PCDHGA6: variants seen among roughly 807,000 people sequenced by gnomAD.
PCDHGA6 encodes the protein protocadherin gamma-A6.
A neutral mutation model predicts 60.6 loss-of-function variants in PCDHGA6; 41 were observed. The ratio of observed to expected loss-of-function variants is 0.68; its 90% CI spans 0.53 to 0.88. The LOEUF (loss-of-function observed/expected upper bound fraction) is 0.88. Ranked by LOEUF, PCDHGA6 falls within the 40% of genes least tolerant of loss-of-function variation. The pLI, the probability that PCDHGA6 is intolerant of heterozygous loss-of-function variation, is 0.00. For missense variants in PCDHGA6, 1,312 were observed against 1,203.0 expected (o/e 1.09, Z -1.34); for synonymous variants, 594 against 524.4 (o/e 1.13, Z -1.81).
In PCDHGA6 at chr5:141,374,652, A is replaced by G; in HGVS notation, c.569A>G (p.Lys190Arg). 1 of 1,612,302 alleles carries G rather than the reference A, an allele frequency of 6.2e-7. No individual in the cohort carries two copies. The highest frequency in any genetic ancestry group is 8.5e-7 in the Non-Finnish European group (1 of 1,179,068). The change falls in exon 1 of 4, where the codon AAG (lysine) becomes AGG (arginine). Residue 190 changes from lysine to arginine, a missense_variant. By Grantham distance (26) the Lys-to-Arg change is conservative. Coordinates refer to ENST00000517434, the MANE Select transcript of PCDHGA6 (RefSeq NM_018919.3). ...GTGCAAAGCGAAGCCCATGGGCCCA[A>G]GTACCCGGAGCTGGTGCTGGAGGGC... ...VDVQSEAHGPKYPELVLEGTL... is the reference protein window; with the variant it reads ...VDVQSEAHGPRYPELVLEGTL...
intron 1 of PCDHGA6, chr5:141,389,539 A>G (rs762558713): frequency 6.2e-7 from 1 of 1,613,218 alleles, no homozygotes; most frequent in Non-Finnish European, 8.5e-7. Context: ...TTAGTGGACG[A>G]CCGCAACGAC....
At chr5:141,407,385 T>A (rs1306044111) in intron 1 of PCDHGA6, among the ~76,000 whole-genome samples, 1 of 152,228 alleles carries the variant, frequency 6.6e-6, no homozygotes, top group South Asian at 2.1e-4. Flanking sequence ...GGCTTGTATG[T>A]CATGGTAGGT....
intron 1 of PCDHGA6, among the ~76,000 whole-genome samples, chr5:141,488,713 C>A (rs1165389103): frequency 6.6e-6 from 1 of 152,184 alleles, no homozygotes; most frequent in Non-Finnish European, 1.5e-5. Context: ...CTGGTTCAAG[C>A]AAAGTGGTGG....
At chr5:141,383,770 A>T (rs776707003) in intron 1 of PCDHGA6, 11 of 1,613,890 alleles carry the variant, frequency 6.8e-6, no homozygotes, top group Non-Finnish European at 8.5e-6. Flanking sequence ...ACTTCCAAAG[A>T]TGTTTCATCT....
chr5:141,474,208 A>C (rs1243312558), intron 1 of PCDHGA6, among the ~76,000 whole-genome samples: 1 of 152,242 alleles, frequency 6.6e-6, no homozygotes, highest in Non-Finnish European at 1.5e-5. Context: ...TGATTTTCAA[A>C]AACCAGATTG....
At chr5:141,427,880 C>G in intron 1 of PCDHGA6, 5 of 1,563,170 alleles carry the variant, frequency 3.2e-6, no homozygotes, top group Non-Finnish European at 3.5e-6. Context: ...CGATGCAGGC[C>G]CACGACCAGG....
At position 141,490,370 on chromosome 5, in the gene PCDHGA6, G is replaced by A. The variant is rs768474199; in HGVS notation, c.2425-4437G>A. Reference sequence around the variant, plus strand: ...GTGGGGTTGTTTAATGTGCGAGACCGGGACTCAGGTAGAAATGGTGAAGTG... The same window carrying A: ...GTGGGGTTGTTTAATGTGCGAGACCAGGACTCAGGTAGAAATGGTGAAGTG... On this transcript the variant is annotated intron_variant, in intron 1 of 3. Coordinates refer to ENST00000517434, the MANE Select transcript of PCDHGA6 (RefSeq NM_018919.3). The surrounding 1 kb of genome is among the most constrained non-coding windows in gnomAD (Gnocchi z 5.4). 32 of 1,614,054 alleles carry A rather than the reference G, an allele frequency of 2.0e-5. No homozygotes were observed. The highest frequency in any genetic ancestry group is 1.0e-4 in the Admixed American group (6 of 60,006).
At chr5:141,427,192 A>T (rs1191677237) in intron 1 of PCDHGA6, 1 of 456,566 alleles carries the variant, frequency 2.2e-6, no homozygotes. Context: ...AAATCCAAAG[A>T]CTTAATAGAC....
rs1380943019 is a variant in PCDHGA6 at position 141,389,411 on chromosome 5, C to T, written c.2424+12904C>T. ...CCTACGTGTCCATAAGCGCGGAGAG[C>T]GGGGTGGTGTTCGCGCAGCGCGCCT... is the stretch of plus-strand genomic sequence containing the variant. On this transcript the variant is annotated intron_variant, in intron 1 of 3. Coordinates refer to ENST00000517434, the MANE Select transcript of PCDHGA6 (RefSeq NM_018919.3). 8 of 1,613,450 alleles carry T rather than the reference C, an allele frequency of 5.0e-6. No homozygotes were observed. The East Asian group carries it at 6.7e-5, about 13-fold the overall frequency.
At position 141,376,354 on chromosome 5, in the gene PCDHGA6, C is replaced by G; in HGVS notation, c.2271C>G (p.Val757=). The G allele has an allele frequency of 6.2e-7, 1 of 1,614,208 alleles. No homozygotes were observed. Among genetic ancestry groups the G allele is most frequent in the South Asian group, 1.1e-5 (1 of 91,082 alleles). ...TCCTGCAGACCTATTCCCACGAGGT[C>G]TCACTCACTGCAGACTCGCGTAAGA... is the stretch of plus-strand genomic sequence containing the variant. The part of the protein sequence containing the change: ...RAFLQTYSHE[V]SLTADSRKSH... Residue 757 remains valine, a synonymous_variant, in exon 1 of 4, where the codon GTC becomes GTG. Transcript: ENST00000517434.
At position 141,374,492 on chromosome 5, in the gene PCDHGA6, G is replaced by T. The variant is rs770971184; in HGVS notation, c.409G>T (p.Glu137Ter). ...NDNTPRFLKE[E>*]LEVKILENAA... ...CAATACACCCCGATTCTTAAAGGAA[G>T]AATTGGAAGTGAAAATTCTCGAAAA... The change falls in exon 1 of 4, where the codon GAA (glutamate) becomes TAA (stop). Residue 137 changes from glutamate (E) to a stop codon, truncating the protein, a stop_gained. Coordinates refer to ENST00000517434, the MANE Select transcript of PCDHGA6 (RefSeq NM_018919.3). LOFTEE classifies it high-confidence loss of function. 1 of 1,611,364 alleles carries T rather than the reference G, an allele frequency of 6.2e-7. No homozygotes were observed. The highest frequency in any genetic ancestry group is 8.5e-7 in the Non-Finnish European group (1 of 1,177,766).
chr5:141,414,311 ACT>A (rs1421551588), intron 1 of PCDHGA6: 5 of 1,613,710 alleles, frequency 3.1e-6, no homozygotes, highest in Non-Finnish European at 4.2e-6. Flanking sequence ...CATGATTTAG[ACT>A]CTGAGCAGAA....
intron 1 of PCDHGA6, among the ~76,000 whole-genome samples, chr5:141,468,824 C>A (rs1288506117): frequency 6.6e-6 from 1 of 152,010 alleles, no homozygotes; most frequent in Non-Finnish European, 1.5e-5. Flanking sequence ...CAAGATCAAG[C>A]CACTGCACTC....
chr5:141,413,574 T>C (rs773380895), intron 1 of PCDHGA6: 12 of 1,613,714 alleles, frequency 7.4e-6, no homozygotes, highest in Admixed American at 1.7e-5. Flanking sequence ...TCAATGACAA[T>C]GCTCCAAAAT....
chr5:141,399,642 G>T lies in PCDHGA6; in HGVS notation c.2424+23135G>T. 1.9e-6 allele frequency: 3 copies of T among 1,613,750 alleles called. 1 individual carries two copies. Among genetic ancestry groups the T allele is most frequent in the Non-Finnish European group, 2.5e-6 (3 of 1,179,856 alleles). ...TGGCCTCTTACGTGTCCATGAGCGC[G>T]CAAAGTGGGGTGGTGTTCGCGCAGC... On this transcript the variant is annotated intron_variant, in intron 1 of 3. Transcript: ENST00000517434.
intron 1 of PCDHGA6, chr5:141,391,145 G>A (rs1212141265): frequency 6.6e-6 from 1 of 152,000 alleles, no homozygotes; most frequent in African/African-American, 2.4e-5. Flanking sequence ...CTACCTCTAG[G>A]AAAGAAATAT....
At chr5:141,509,570 G>A (rs2099877371) in intron 3 of PCDHGA6, among the ~76,000 whole-genome samples, 1 of 152,232 alleles carries the variant, frequency 6.6e-6, no homozygotes, top group South Asian at 2.1e-4. Flanking sequence ...AGCCTTCACA[G>A]TGCGTACAAA....
chr5:141,477,007 A>C lies in PCDHGA6; in HGVS notation c.2425-17800A>C, dbSNP rs891158982. The C allele has an allele frequency of 1.9e-6, 3 of 1,614,258 alleles. No individual in the cohort carries two copies. The Admixed American group carries it at 5.0e-5, about 27-fold the overall frequency. ...CCGGCGTGCGGCAACTATTCGCCTT[A>C]GACCTTGTAACCGGGATGCTGACAA... On this transcript the variant is annotated intron_variant, in intron 1 of 3. Coordinates refer to ENST00000517434, the MANE Select transcript of PCDHGA6 (RefSeq NM_018919.3). This position sits in a 1 kb window ranked among gnomAD's most constrained non-coding sequence, Gnocchi z 4.9.
intron 1 of PCDHGA6, chr5:141,399,681 C>A (rs2093865042): frequency 1.2e-6 from 2 of 1,613,408 alleles, no homozygotes; most frequent in Non-Finnish European, 1.7e-6. Flanking sequence ...CCTTTGACTA[C>A]GAGCAGCTGC....
Sources: gnomAD v4.1 joint callset for allele counts (sites outside exome capture counted in the v4.1 genomes callset) on GRCh38, gnomAD v4.1.1 for gene constraint, Gnocchi (gnomAD v3.1) non-coding constraint, MANE v1.5 for transcripts, NCBI Gene and HGNC (gene_info 2026-07-23, HGNC 2026-07-21) for gene names.